The following RBM27 variants were observed in gnomAD, a reference collection of about 807,000 sequenced individuals.
RBM27 encodes the protein RNA-binding protein 27.
Under a neutral mutation model 135.3 loss-of-function variants are expected in RBM27, and 22 were observed. The observed-to-expected ratio is 0.16, with a 90% CI of 0.12 to 0.23. RBM27 has a LOEUF of 0.23. Among genes scored for constraint, RBM27 ranks in the 10% least tolerant of loss-of-function variants. The probability of loss-of-function intolerance (pLI) is 1.00; values close to 1 mark genes in which losing one functional copy is unlikely to be tolerated. For missense variants in RBM27, 1,009 were observed against 1,281.0 expected, an observed-to-expected ratio of 0.79 and a Z score of 3.24; for synonymous variants, 481 against 442.4, an observed-to-expected ratio of 1.09 and a Z score of -1.10.
intron 8 of RBM27, among the ~76,000 whole-genome samples, chr5:146,242,751 G>A (rs1198449628): frequency 1.3e-5 from 2 of 151,822 alleles, no homozygotes; most frequent in African/African-American, 4.8e-5. Flanking sequence ...ATGCCACCAA[G>A]CCCGGCTAAT....
rs1008256324 is a variant in RBM27 at position 146,286,751 on chromosome 5, T to C, written c.*721T>C. 6.6e-6 allele frequency: 1 copy of C among 152,150 alleles called. No homozygotes were observed. The highest frequency in any genetic ancestry group is 1.5e-5 in the Non-Finnish European group (1 of 68,040). The allele number at this position is 152,150 out of a possible 1,614,324, so 9.4% of individuals were successfully genotyped here. A position where few individuals can be genotyped will look rare whatever the true frequency, so the allele number is the denominator to read the frequency against. On this transcript the variant is annotated 3_prime_UTR_variant, in exon 21 of 21. Coordinates refer to ENST00000265271, the MANE Select transcript of RBM27 (RefSeq NM_018989.2). ...CTGATTCTTAGTTTGCTTTGATATT[T>C]AGTGAGCGCTGGTTCGGCTGGTCTT...
intron 2 of RBM27, among the ~76,000 whole-genome samples, chr5:146,220,474 C>CA (rs55722840): frequency 0.01 from 1,194 of 115,320 alleles, 13 homozygotes; most frequent in African/African-American, 0.03. Flanking sequence ...GAGTCCATCT[C>CA]AAAAAAAAAA....
chr5:146,218,561 G>A (rs896459584), intron 1 of RBM27, among the ~76,000 whole-genome samples: 9 of 152,224 alleles, frequency 5.9e-5, no homozygotes, highest in Non-Finnish European at 1.2e-4. Context: ...GTGTCTTGAG[G>A]AGAGGAGAAA....
Position 146,261,490 on chromosome 5 carries a change from A to G in RBM27, c.1894-20A>G, listed in dbSNP as rs774164018. ...CTATTTTCTGTTTTTGGGAATTTAT[A>G]TTGTTTTATTTTCTTCAAGGTTGCT... On this transcript the variant is annotated intron_variant, in intron 12 of 20. Transcript: ENST00000265271. 10 of 1,590,892 alleles carry G rather than the reference A, an allele frequency of 6.3e-6. No homozygotes were observed. The highest frequency in any genetic ancestry group is 1.7e-4 in the Middle Eastern group (1 of 5,962).
rs569670013 is a variant in RBM27 at position 146,207,989 on chromosome 5, C to G, written c.59+4165C>G. On this transcript the variant is annotated intron_variant, in intron 1 of 20. Transcript: ENST00000265271. Reference sequence around the variant, plus strand: ...TTTTTTTTTTTAAGACGGAGTCTTGCTCTGTTGCCCAGGCTGGAGTGCAGT... The same window carrying G: ...TTTTTTTTTTTAAGACGGAGTCTTGGTCTGTTGCCCAGGCTGGAGTGCAGT... Among the ~76,000 whole-genome samples, 15 of 114,988 alleles carry G rather than the reference C, an allele frequency of 1.3e-4. No individual in the cohort carries two copies. The South Asian group carries it at 4.4e-3, about 34-fold the overall frequency. The allele number at this position is 114,988 out of a possible 152,430, so 75.4% of individuals were successfully genotyped here.
At chr5:146,285,835 T>C (rs1436108142) in intron 20 of RBM27, 112 bp from the exon 21 acceptor site, 2 of 721,274 alleles carry the variant, frequency 2.8e-6, no homozygotes, top group Non-Finnish European at 4.6e-6. Flanking sequence ...CATGCATCCC[T>C]TATGAAATCT....
At chr5:146,280,522 C>T (rs1480862902) in intron 19 of RBM27, among the ~76,000 whole-genome samples, 6 of 152,174 alleles carry the variant, frequency 3.9e-5, no homozygotes, top group Admixed American at 3.9e-4. Flanking sequence ...CCCCAATCTC[C>T]CTTGTTGCTC....
chr5:146,242,608 T>G (rs1051619617), intron 8 of RBM27, among the ~76,000 whole-genome samples: 1 of 152,118 alleles, frequency 6.6e-6, no homozygotes, highest in African/African-American at 2.4e-5. Context: ...TTTATTTATT[T>G]TTTTAGACGG....
In RBM27 at chr5:146,214,704, C is replaced by T. The variant is rs373642099; in HGVS notation, c.60-4281C>T. Reference sequence around the variant, plus strand: ...AATTAGTGTGAATTATTCAATTAGTCTATTATTTTAGACTTATAATTTTCT... The same window carrying T: ...AATTAGTGTGAATTATTCAATTAGTTTATTATTTTAGACTTATAATTTTCT... On this transcript the variant is annotated intron_variant, in intron 1 of 20. Transcript: ENST00000265271. 4.7e-4 allele frequency among the ~76,000 whole-genome samples: 71 copies of T among 152,262 alleles called. No individual in the cohort carries two copies. In the South Asian group the frequency reaches 0.014, roughly 30 times the overall value.
At position 146,232,207 on chromosome 5, in the gene RBM27, A is replaced by G. The variant is rs951287459; in HGVS notation, c.851-1243A>G. ...TTATTTCAAGCAAGTCACAGACATC[A>G]TAATTTTTTTCTATAAATACAGAAT... is the stretch of plus-strand genomic sequence containing the variant. On this transcript the variant is annotated intron_variant, in intron 6 of 20. Transcript: ENST00000265271. Among the ~76,000 whole-genome samples, 10 of 152,168 alleles carry G rather than the reference A, an allele frequency of 6.6e-5. No individual in the cohort carries two copies. The East Asian group carries it at 7.7e-4, about 12-fold the overall frequency.
At chr5:146,275,785 C>A (rs1200426040) in intron 19 of RBM27, among the ~76,000 whole-genome samples, 1 of 152,164 alleles carries the variant, frequency 6.6e-6, no homozygotes, top group Non-Finnish European at 1.5e-5. Context: ...CGGCTAGATA[C>A]AACAGGAAAA....
At chr5:146,256,490 C>G (rs1029471219) in intron 10 of RBM27, among the ~76,000 whole-genome samples, 3 of 151,538 alleles carry the variant, frequency 2.0e-5, no homozygotes, top group African/African-American at 7.3e-5. Context: ...GCTGGGATTA[C>G]AGGTGTGCAC....
intron 3 of RBM27, among the ~76,000 whole-genome samples, chr5:146,226,111 G>A (rs1756666302): frequency 6.8e-6 from 1 of 147,784 alleles, no homozygotes. Context: ...CAAGTGACCT[G>A]TTTGCCTCGG....
Position 146,237,353 on chromosome 5 carries a change from T to C in RBM27, c.1200T>C (p.Ser400=). The C allele has an allele frequency of 6.2e-7, 1 of 1,614,160 alleles. No homozygotes were observed. Among genetic ancestry groups the C allele is most frequent in the Non-Finnish European group, 8.5e-7 (1 of 1,180,006 alleles). ...LINSRDQPGT[S]AVPNLASVGT... is the part of the protein sequence containing the mutation. ...ACAGCCGTGACCAGCCTGGGACAAGTGCAGTGCCCAATCTTGCATCAGTGG... is the reference window on the plus strand; with the variant it reads ...ACAGCCGTGACCAGCCTGGGACAAGCGCAGTGCCCAATCTTGCATCAGTGG... The change falls in exon 8 of 21, where the codon AGT becomes AGC. Residue 400 remains serine (S), a synonymous_variant. Transcript: ENST00000265271.
intron 1 of RBM27, among the ~76,000 whole-genome samples, chr5:146,212,455 C>T (rs1427631132): frequency 6.6e-6 from 1 of 151,972 alleles, no homozygotes; most frequent in Non-Finnish European, 1.5e-5. Context: ...ATCAGACAAT[C>T]CTCCCACTTC....
rs1463238616 is a variant in RBM27 at position 146,276,394 on chromosome 5, C to A, written c.2988+4720C>A. On this transcript the variant is annotated intron_variant, in intron 19 of 20. Coordinates refer to ENST00000265271, the MANE Select transcript of RBM27 (RefSeq NM_018989.2). ...AAAGTACTGTTTAGAACCTGTGCTC[C>A]CACAATATTTATATAATTCGTTATA... is the stretch of plus-strand genomic sequence containing the variant. 2.0e-5 allele frequency among the ~76,000 whole-genome samples: 3 copies of A among 152,064 alleles called. No individual in the cohort carries two copies. The East Asian group carries it at 5.8e-4, about 29-fold the overall frequency.
intron 9 of RBM27, among the ~76,000 whole-genome samples, 194 bp downstream of exon 9, chr5:146,252,069 C>T (rs1244189868): frequency 6.6e-6 from 1 of 152,176 alleles, no homozygotes; most frequent in African/African-American, 2.4e-5. Context: ...TCCTGTGTAT[C>T]TGTCATCTCT....
chr5:146,269,594 T>C lies in RBM27; in HGVS notation c.2691+10T>C, dbSNP rs758160337. 2.6e-6 allele frequency: 4 copies of C among 1,516,196 alleles called. No individual in the cohort carries two copies. The highest frequency in any genetic ancestry group is 2.3e-5 in the East Asian group (1 of 42,568). 93.9% of individuals were successfully genotyped at this position (1,516,196 alleles called of 1,614,324 possible). On this transcript the variant is annotated intron_variant, in intron 17 of 20. Coordinates refer to ENST00000265271, the MANE Select transcript of RBM27 (RefSeq NM_018989.2). ...GAAGACAAAAACGGAGGTATCTATT[T>C]GCATTTTTTATTTAACATAGGGTTA...
At position 146,267,708 on chromosome 5, in the gene RBM27, T is replaced by G. The variant is rs1478116260; in HGVS notation, c.2391T>G (p.Pro797=). ...ACAGCTCCTCAAACTTAAAGACACCTTCAAAGCTCTGTTCAGGGTCTAAAT... is the reference window on the plus strand; with the variant it reads ...ACAGCTCCTCAAACTTAAAGACACCGTCAAAGCTCTGTTCAGGGTCTAAAT... ...MIYSSSNLKT[P]SKLCSGSKSH... The change falls in exon 15 of 21, where the codon CCT becomes CCG. Residue 797 remains proline (P), a synonymous_variant. Coordinates refer to ENST00000265271, the MANE Select transcript of RBM27 (RefSeq NM_018989.2). 6.2e-7 allele frequency: 1 copy of G among 1,610,104 alleles called. No homozygotes were observed. The highest frequency in any genetic ancestry group is 8.5e-7 in the Non-Finnish European group (1 of 1,177,406).
Sources: gnomAD v4.1 joint callset for allele counts (sites outside exome capture counted in the v4.1 genomes callset) on GRCh38, gnomAD v4.1.1 for gene constraint, MANE v1.5 for transcripts, NCBI Gene and HGNC (gene_info 2026-07-23, HGNC 2026-07-21) for gene names.